The following ZMYM1 variants were observed in gnomAD, a reference collection of about 807,000 sequenced individuals.
The protein encoded by ZMYM1 is zinc finger MYM-type protein 1.
ZMYM1 carries 39 observed loss-of-function variants against 60.0 expected under a neutral mutation model. The ratio of observed to expected loss-of-function variants is 0.65; its 90% CI spans 0.50 to 0.85. The LOEUF is 0.85. ZMYM1 is among the 40% of genes least tolerant of loss of function. ZMYM1 has a pLI of 0.00. For missense variants in ZMYM1, 1,171 were observed against 1,309.5 expected (o/e 0.89, Z 1.63); for synonymous variants, 413 against 454.0 (o/e 0.91, Z 1.15).
At chr1:35,110,903 C>T (rs1644065877) in intron 7 of ZMYM1, among the ~76,000 whole-genome samples, 2 of 152,052 alleles carry the variant, frequency 1.3e-5, no homozygotes, top group African/African-American at 4.8e-5. Context: ...CATTGCACTC[C>T]AGTCTGGGTG....
Position 35,104,484 on chromosome 1 carries a change from T to G in ZMYM1, c.594+15T>G. 1 of 1,609,582 alleles carries G rather than the reference T, an allele frequency of 6.2e-7. No individual in the cohort carries two copies. On this transcript the variant is annotated intron_variant, in intron 5 of 9. Coordinates refer to ENST00000359858, the MANE Select transcript of ZMYM1 (RefSeq NM_024772.5). ...AGACTGCTATTGTAAGTTCCAATTA[T>G]AACCTTTACAGGGATTCTGATGATT...
chr1:35,089,737 G>C (rs1357905267), intron 1 of ZMYM1, among the ~76,000 whole-genome samples: 1 of 50,722 alleles, frequency 2.0e-5, no homozygotes, highest in Non-Finnish European at 6.3e-5. Context: ...TAGTTGTAAG[G>C]CTTTTTTTTT....
chr1:35,113,439 A>T lies in ZMYM1; in HGVS notation c.1609A>T (p.Ser537Cys), dbSNP rs1424339045. Reference protein sequence around the residue: ...REYQFCDGAVSDDLSIHSKQI... With the variant: ...REYQFCDGAVCDDLSIHSKQI... ...ATACCAATTTTGTGATGGAGCTGTCAGTGACGATTTATCTATTCATTCGAA... is the reference window on the plus strand; with the variant it reads ...ATACCAATTTTGTGATGGAGCTGTCTGTGACGATTTATCTATTCATTCGAA... Residue 537 changes from serine to cysteine, a missense_variant, in exon 10 of 10, where the codon AGT becomes TGT. Ser to Cys is a moderately radical substitution (Grantham distance 112). Coordinates refer to ENST00000359858, the MANE Select transcript of ZMYM1 (RefSeq NM_024772.5). 6.2e-7 allele frequency: 1 copy of T among 1,613,782 alleles called. No homozygotes were observed. The highest frequency in any genetic ancestry group is 8.5e-7 in the Non-Finnish European group (1 of 1,179,898).
chr1:35,099,336 T>C (rs972159633), intron 4 of ZMYM1, among the ~76,000 whole-genome samples: 1 of 152,184 alleles, frequency 6.6e-6, no homozygotes, highest in Non-Finnish European at 1.5e-5. Context: ...TTCAGCCTGC[T>C]TTCTCTCCCT....
chr1:35,086,856 TG>T (rs1413296192), intron 1 of ZMYM1, among the ~76,000 whole-genome samples: 1 of 151,908 alleles, frequency 6.6e-6, no homozygotes, highest in Non-Finnish European at 1.5e-5. Context: ...TAATTTTTTT[TG>T]TATTTTTAGT....
chr1:35,094,855 C>CA (rs949668047), intron 2 of ZMYM1, among the ~76,000 whole-genome samples: 12 of 149,854 alleles, frequency 8.0e-5, no homozygotes, highest in Non-Finnish European at 1.3e-4. Flanking sequence ...TCTCTTAAAA[C>CA]AAAAAAAAGG....
At chr1:35,089,333 T>C (rs528466039) in intron 1 of ZMYM1, among the ~76,000 whole-genome samples, 1 of 152,340 alleles carries the variant, frequency 6.6e-6, no homozygotes, top group African/African-American at 2.4e-5. Flanking sequence ...GGAATCTACC[T>C]AATGACAAAT....
Position 35,088,817 on chromosome 1 carries a change from T to TG in ZMYM1, c.-74-5097_-74-5096insG, listed in dbSNP as rs1642826868. 3.4e-5 allele frequency among the ~76,000 whole-genome samples: 5 copies of TG among 146,470 alleles called. 1 individual carries two copies. The highest frequency in any genetic ancestry group is 6.0e-5 in the Non-Finnish European group (4 of 66,448). ...TCAGGATGCTTTCCTTTTTTTTTTT[T>TG]TTTTTTGTTTTTGAGACAGAGTCTC... On this transcript the variant is annotated intron_variant, in intron 1 of 9. Coordinates refer to ENST00000359858, the MANE Select transcript of ZMYM1 (RefSeq NM_024772.5).
chr1:35,112,486 T>TTA (rs556558531), intron 9 of ZMYM1, among the ~76,000 whole-genome samples: 25 of 145,384 alleles, frequency 1.7e-4, no homozygotes, highest in African/African-American at 4.3e-4. Context: ...CCCAGATTTT[T>TTA]TATATATATA....
At position 35,114,848 on chromosome 1, in the gene ZMYM1, T is replaced by C. The variant is rs1570053220; in HGVS notation, c.3018T>C (p.Asn1006=). 1 of 1,606,658 alleles carries C rather than the reference T, an allele frequency of 6.2e-7. No homozygotes were observed. Among genetic ancestry groups the C allele is most frequent in the Non-Finnish European group, 8.5e-7 (1 of 1,176,378 alleles). Residue 1006 remains asparagine, a synonymous_variant, in exon 10 of 10, where the codon AAT becomes AAC. Transcript: ENST00000359858. ...ELLFKWNEPL[N]ETTAKHVQEF... is the part of the protein sequence containing the mutation. The stretch of plus-strand genomic sequence containing the variant: ...TATTTAAATGGAATGAACCATTAAA[T>C]GAAACAACAGCAAAACATGTTCAGG...
At chr1:35,110,698 A>C (rs770731861) in intron 7 of ZMYM1, among the ~76,000 whole-genome samples, 5 of 152,090 alleles carry the variant, frequency 3.3e-5, no homozygotes, top group Non-Finnish European at 5.9e-5. Flanking sequence ...TGGGAGGCCA[A>C]AGTGGGCAGA....
rs1312013641 is a variant in ZMYM1 at position 35,114,629 on chromosome 1, T to A, written c.2799T>A (p.Pro933=). 1 of 1,606,760 alleles carries A rather than the reference T, an allele frequency of 6.2e-7. No individual in the cohort carries two copies. Among genetic ancestry groups the A allele is most frequent in the African/African-American group, 1.3e-5 (1 of 74,646 alleles). ...ITCKGFKVEK[P]SLQKRRKIQK... Reference sequence around the variant, plus strand: ...GTAAAGGTTTTAAAGTTGAAAAACCTTCTCTTCAGAAAAGAAGAAAAATTC... The same window carrying A: ...GTAAAGGTTTTAAAGTTGAAAAACCATCTCTTCAGAAAAGAAGAAAAATTC... Residue 933 remains proline (P), a synonymous_variant, in exon 10 of 10, where the codon CCT becomes CCA. Transcript: ENST00000359858.
intron 1 of ZMYM1, among the ~76,000 whole-genome samples, chr1:35,082,712 G>C (rs959033250): frequency 6.6e-6 from 1 of 150,932 alleles, no homozygotes; most frequent in Non-Finnish European, 1.5e-5. Context: ...GGGCGTGGTG[G>C]CTCACCCCTG....
rs71029065 is a variant in ZMYM1, at chr1:35,089,738, C to CTTTTTTTTT, written c.-74-4159_-74-4151dup. Among the ~76,000 whole-genome samples, 577 of 60,990 alleles carry CTTTTTTTTT rather than the reference C, an allele frequency of 9.5e-3. 75 individuals carry two copies. Among genetic ancestry groups the CTTTTTTTTT allele is most frequent in the Non-Finnish European group, 0.012 (441 of 37,496 alleles). The allele number at this position is 60,990 out of a possible 152,430, so 40.0% of individuals were successfully genotyped here. On this transcript the variant is annotated intron_variant, in intron 1 of 9. Coordinates refer to ENST00000359858, the MANE Select transcript of ZMYM1 (RefSeq NM_024772.5). ...CCCTCCATAATGATTAGTTGTAAGG[C>CTTTTTTTTT]TTTTTTTTTTTTTTTTTTTTTTTTT...
rs1461686479 is a variant in ZMYM1, at chr1:35,115,360, G to T, written c.*101G>T. 7.5e-7 allele frequency: 1 copy of T among 1,328,860 alleles called. No individual in the cohort carries two copies. The highest frequency in any genetic ancestry group is 1.5e-5 in the African/African-American group (1 of 67,774). 82.3% of individuals were successfully genotyped at this position (1,328,860 alleles called of 1,614,324 possible). A position where few individuals can be genotyped will look rare whatever the true frequency, so the allele number is the denominator to read the frequency against. The stretch of plus-strand genomic sequence containing the variant: ...CAAAAGACACAGAACGATAAACAGT[G>T]AAGTCTCCTTCCCTCCTTTAGAACT... On this transcript the variant is annotated 3_prime_UTR_variant, in exon 10 of 10. Transcript: ENST00000359858.
At chr1:35,117,395 C>T (rs1456595485), downstream of ZMYM1, among the ~76,000 whole-genome samples, 1 of 152,052 alleles carries the variant, frequency 6.6e-6, no homozygotes, top group Non-Finnish European at 1.5e-5. Context: ...TATTGGCTCA[C>T]TGCAACCTCC....
intron 6 of ZMYM1, among the ~76,000 whole-genome samples, chr1:35,109,487 T>A (rs1158604194): frequency 6.6e-6 from 1 of 152,202 alleles, no homozygotes; most frequent in Non-Finnish European, 1.5e-5. Context: ...ATACTTTCTA[T>A]TGCTTGTATG....
intron 1 of ZMYM1, among the ~76,000 whole-genome samples, chr1:35,081,782 GAC>G (rs1207210585): frequency 6.6e-6 from 1 of 152,062 alleles, no homozygotes; most frequent in Non-Finnish European, 1.5e-5. Flanking sequence ...TGTAGCCTCT[GAC>G]ACCCAGGTTC....
At chr1:35,105,388 T>C (rs1435490816) in intron 6 of ZMYM1, among the ~76,000 whole-genome samples, 5 of 152,024 alleles carry the variant, frequency 3.3e-5, no homozygotes, top group Non-Finnish European at 4.4e-5. Flanking sequence ...CCACCTGCCT[T>C]GGCCTCCCAA....
Sources: allele counts gnomAD v4.1 joint callset (sites outside exome capture counted in the v4.1 genomes callset), GRCh38; gene constraint gnomAD v4.1.1; transcripts MANE v1.5; gene names NCBI Gene and HGNC (gene_info 2026-07-23, HGNC 2026-07-21).